Variants in CLSTN2 observed in about 807,000 individuals in gnomAD.
CLSTN2 encodes the protein calsyntenin-2.
A neutral mutation model predicts 101.2 loss-of-function variants in CLSTN2; 48 were observed. The observed-to-expected ratio is 0.47, with a 90% CI of 0.38 to 0.60. CLSTN2 has a LOEUF of 0.60. CLSTN2 is among the 20% of genes least tolerant of loss of function. The probability of loss-of-function intolerance (pLI) is 0.00; values close to 1 mark genes in which losing one functional copy is unlikely to be tolerated. For synonymous variants in CLSTN2, 481 were observed against 463.6 expected (o/e 1.04, Z -0.48); for missense variants, 1,160 against 1,238.2 (o/e 0.94, Z 0.95).
chr3:140,020,919 A>G (rs1314066780), intron 1 of CLSTN2, among the ~76,000 whole-genome samples: 1 of 152,216 alleles, frequency 6.6e-6, no homozygotes, highest in Non-Finnish European at 1.5e-5. Flanking sequence ...CTAATTGCCG[A>G]TGGAAAATGG....
At chr3:140,251,237 G>T (rs919130861) in intron 2 of CLSTN2, among the ~76,000 whole-genome samples, 8 of 152,198 alleles carry the variant, frequency 5.3e-5, no homozygotes, top group Non-Finnish European at 1.0e-4. Flanking sequence ...TCTCGGTACT[G>T]AAATTTGGCA....
chr3:140,166,199 C>A (rs1428377961), intron 1 of CLSTN2, among the ~76,000 whole-genome samples: 2 of 152,174 alleles, frequency 1.3e-5, no homozygotes, highest in African/African-American at 4.8e-5. Context: ...CAAATGAGCT[C>A]TAGTTTCTGG....
chr3:140,462,324 A>G (rs895246256), intron 7 of CLSTN2, among the ~76,000 whole-genome samples: 1 of 152,174 alleles, frequency 6.6e-6, no homozygotes, highest in Non-Finnish European at 1.5e-5. Context: ...ATCATACTTC[A>G]TGTCACTGGC....
chr3:140,549,226 G>A (rs1576622472), intron 10 of CLSTN2, among the ~76,000 whole-genome samples: 1 of 136,598 alleles, frequency 7.3e-6, no homozygotes, highest in African/African-American at 2.8e-5. Flanking sequence ...AGGCCCCATA[G>A]AGCAAAAACA....
intron 2 of CLSTN2, among the ~76,000 whole-genome samples, chr3:140,195,565 A>G (rs1325523297): frequency 6.6e-6 from 1 of 152,196 alleles, no homozygotes; most frequent in Non-Finnish European, 1.5e-5. Flanking sequence ...GTTTTTAAAA[A>G]AAAATCTGGA....
intron 8 of CLSTN2, among the ~76,000 whole-genome samples, chr3:140,486,848 G>C (rs1328886395): frequency 6.6e-6 from 1 of 152,200 alleles, no homozygotes; most frequent in Non-Finnish European, 1.5e-5. Context: ...CATGTCCAGA[G>C]TTGCTTATTT....
chr3:139,997,988 G>A (rs1029522193), intron 1 of CLSTN2, among the ~76,000 whole-genome samples: 1 of 152,170 alleles, frequency 6.6e-6, no homozygotes, highest in East Asian at 1.9e-4. Context: ...TTAGACTAGT[G>A]CCAACTTCTC....
intron 2 of CLSTN2, among the ~76,000 whole-genome samples, chr3:140,254,083 A>G (rs1013605926): frequency 1.3e-5 from 2 of 152,216 alleles, no homozygotes; most frequent in Admixed American, 1.3e-4. Context: ...AAATAATAAC[A>G]TAGGAAGGAG....
rs370006740 is a variant in CLSTN2, at chr3:140,459,756, C to T, written c.1209C>T (p.Asn403=). Residue 403 remains asparagine, a synonymous_variant, in exon 7 of 17, where the codon AAC becomes AAT. Transcript: ENST00000458420. Reference sequence around the variant, plus strand: ...CCGAGAAGGAAACCATCCTCTGCAACTCAGACAAAACCGGTGAGTCTCTAG... The same window carrying T: ...CCGAGAAGGAAACCATCCTCTGCAATTCAGACAAAACCGGTGAGTCTCTAG... The part of the protein sequence containing the change: ...VRAEKETILC[N]SDKTEMNRHH... The T allele has an allele frequency of 7.6e-5, 123 of 1,613,362 alleles. No homozygotes were observed. The highest frequency in any genetic ancestry group is 9.4e-5 in the Non-Finnish European group (111 of 1,179,708).
intron 2 of CLSTN2, among the ~76,000 whole-genome samples, chr3:140,387,116 T>C (rs2088062148): frequency 1.3e-5 from 2 of 152,088 alleles, no homozygotes; most frequent in South Asian, 4.2e-4. Context: ...GATTCTTGCC[T>C]CATGGAGCTC....
At chr3:140,489,164 T>C (rs1934293459) in intron 8 of CLSTN2, among the ~76,000 whole-genome samples, 1 of 151,992 alleles carries the variant, frequency 6.6e-6, no homozygotes, top group African/African-American at 2.4e-5. Context: ...GAGTAGTAGT[T>C]GAGAGGAGAG....
intron 9 of CLSTN2, among the ~76,000 whole-genome samples, chr3:140,540,815 G>A (rs936776551): frequency 6.6e-6 from 1 of 152,186 alleles, no homozygotes; most frequent in Non-Finnish European, 1.5e-5. Flanking sequence ...AGACACACTG[G>A]TTCAAAAGCT....
intron 1 of CLSTN2, among the ~76,000 whole-genome samples, chr3:140,006,656 G>A (rs1457769159): frequency 2.6e-5 from 4 of 152,144 alleles, no homozygotes; most frequent in Non-Finnish European, 5.9e-5. Context: ...TTCCACACCT[G>A]TTACCAGCTG....
chr3:140,135,340 T>C (rs2009599108), intron 1 of CLSTN2, among the ~76,000 whole-genome samples: 2 of 151,992 alleles, frequency 1.3e-5, no homozygotes, highest in Admixed American at 6.6e-5. Flanking sequence ...TCTGTTGTGG[T>C]TGACACTTTG....
At chr3:140,137,638 C>T (rs1374541951) in intron 1 of CLSTN2, among the ~76,000 whole-genome samples, 1 of 152,284 alleles carries the variant, frequency 6.6e-6, no homozygotes, top group South Asian at 2.1e-4. Context: ...TGCATACTTA[C>T]AAATCACAAA....
chr3:140,294,043 A>G (rs2086980271), intron 2 of CLSTN2, among the ~76,000 whole-genome samples: 1 of 152,148 alleles, frequency 6.6e-6, no homozygotes, highest in African/African-American at 2.4e-5. Flanking sequence ...TCATCTTCCA[A>G]AGGGGCAGTT....
intron 2 of CLSTN2, among the ~76,000 whole-genome samples, chr3:140,284,517 A>T (rs1447839501): frequency 6.6e-6 from 1 of 152,166 alleles, no homozygotes; most frequent in African/African-American, 2.4e-5. Flanking sequence ...GCGGAGATCA[A>T]GTCCTTGAAT....
At chr3:140,338,566 C>CT (rs201438707) in intron 2 of CLSTN2, among the ~76,000 whole-genome samples, 2,610 of 150,860 alleles carry the variant, frequency 0.017, 61 homozygotes, top group African/African-American at 0.058. Context: ...ATGTCCAGTC[C>CT]CCCCCCGGCC....
chr3:140,241,078 T>C (rs1387833194), intron 2 of CLSTN2, among the ~76,000 whole-genome samples: 3 of 152,228 alleles, frequency 2.0e-5, no homozygotes, highest in Admixed American at 1.3e-4. Context: ...CTTGTAGTTA[T>C]GGTTCTATGC....
Sources: allele counts gnomAD v4.1 joint callset (sites outside exome capture counted in the v4.1 genomes callset), GRCh38; gene constraint gnomAD v4.1.1; transcripts MANE v1.5; gene names NCBI Gene and HGNC (gene_info 2026-07-23, HGNC 2026-07-21).